MGAT4A: variants seen among roughly 807,000 people sequenced by gnomAD.
MGAT4A encodes N-acetylglucosaminyltransferase IVa.
In MGAT4A, 33 loss-of-function variants were observed where a neutral mutation model predicts 74.1. The ratio of observed to expected loss-of-function variants is 0.45; its 90% CI spans 0.34 to 0.60. The LOEUF (loss-of-function observed/expected upper bound fraction) is 0.60. MGAT4A is among the 20% of genes least tolerant of loss of function. The probability of loss-of-function intolerance (pLI) is 0.02; values close to 1 mark genes in which losing one functional copy is unlikely to be tolerated. For missense variants in MGAT4A, 479 were observed against 628.3 expected, an observed-to-expected ratio of 0.76 and a Z score of 2.54; for synonymous variants, 198 against 210.4, an observed-to-expected ratio of 0.94 and a Z score of 0.51.
intron 14 of MGAT4A, among the ~76,000 whole-genome samples, chr2:98,634,550 TAGAA>T (rs1224028805): frequency 6.6e-6 from 1 of 151,596 alleles, no homozygotes; most frequent in Non-Finnish European, 1.5e-5. Context: ...GCAGTGGCTC[TAGAA>T]AGCCACAGGA....
intron 2 of MGAT4A, among the ~76,000 whole-genome samples, chr2:98,722,295 C>T (rs992104201): frequency 2.6e-5 from 4 of 152,202 alleles, no homozygotes; most frequent in Non-Finnish European, 5.9e-5. Flanking sequence ...TACATCCATA[C>T]AAGGGACTAT....
chr2:98,645,859 G>A (rs540430157), intron 8 of MGAT4A, among the ~76,000 whole-genome samples: 2 of 152,142 alleles, frequency 1.3e-5, no homozygotes, highest in African/African-American at 4.8e-5. Flanking sequence ...ACAAGATAAA[G>A]GTCTTATCAC....
At chr2:98,660,410 ACG>A (rs1415365366) in intron 5 of MGAT4A, among the ~76,000 whole-genome samples, 2,619 of 117,936 alleles carry the variant, frequency 0.022, 77 homozygotes, top group African/African-American at 0.079. Flanking sequence ...ACACACACAC[ACG>A]CACGCGCACA....
At chr2:98,683,372 A>G (rs1465497548) in intron 2 of MGAT4A, among the ~76,000 whole-genome samples, 5 of 152,214 alleles carry the variant, frequency 3.3e-5, no homozygotes, top group African/African-American at 7.2e-5. Context: ...GTTCTTAGGA[A>G]ATAAACATAA....
chr2:98,684,592 A>G (rs961963413), intron 2 of MGAT4A, among the ~76,000 whole-genome samples: 2 of 152,214 alleles, frequency 1.3e-5, no homozygotes, highest in African/African-American at 4.8e-5. Context: ...AAAGACTTAC[A>G]AGGCTAAACC....
At chr2:98,727,244 A>C (rs1181846884) in intron 1 of MGAT4A, among the ~76,000 whole-genome samples, 1 of 152,228 alleles carries the variant, frequency 6.6e-6, no homozygotes, top group Non-Finnish European at 1.5e-5. Context: ...CATTTAGAAA[A>C]TGCAGCAATC....
chr2:98,683,544 ATCAT>A (rs1702090729), intron 2 of MGAT4A, among the ~76,000 whole-genome samples: 1 of 150,796 alleles, frequency 6.6e-6, no homozygotes, highest in African/African-American at 2.5e-5. Flanking sequence ...TCTTCATTTC[ATCAT>A]TTTTTTTTTT....
chr2:98,661,371 T>C (rs558802127), intron 5 of MGAT4A, among the ~76,000 whole-genome samples: 1 of 152,268 alleles, frequency 6.6e-6, no homozygotes, highest in African/African-American at 2.4e-5. Context: ...GAGTATAGGT[T>C]GGTAAATAAA....
chr2:98,646,200 G>A (rs1310161515), intron 8 of MGAT4A, among the ~76,000 whole-genome samples: 1 of 151,904 alleles, frequency 6.6e-6, no homozygotes, highest in East Asian at 1.9e-4. Flanking sequence ...ATACAAACGT[G>A]TGATTTTTTT....
chr2:98,644,277 A>T (rs561089376), intron 9 of MGAT4A, among the ~76,000 whole-genome samples: 1 of 152,324 alleles, frequency 6.6e-6, no homozygotes, highest in East Asian at 1.9e-4. Flanking sequence ...TAAATTCCCG[A>T]TGTTACTATA....
At chr2:98,636,905 C>T (rs1292201292) in intron 12 of MGAT4A, among the ~76,000 whole-genome samples, 1 of 152,122 alleles carries the variant, frequency 6.6e-6, no homozygotes, top group Non-Finnish European at 1.5e-5. Context: ...GTCTATAATG[C>T]TTTAAATATT....
intron 2 of MGAT4A, among the ~76,000 whole-genome samples, chr2:98,682,151 G>A (rs1005188181): frequency 2.6e-5 from 4 of 152,156 alleles, no homozygotes; most frequent in East Asian, 1.9e-4. Context: ...GGCCAGGTGC[G>A]GTGGCTCACG....
chr2:98,660,303 G>C (rs1332713274), intron 5 of MGAT4A, among the ~76,000 whole-genome samples: 1 of 98,682 alleles, frequency 1.0e-5, no homozygotes, highest in African/African-American at 5.5e-5. Context: ...ATTACCCAAA[G>C]TGATCTACAG....
chr2:98,630,289 C>T (rs546369160), intron 14 of MGAT4A, among the ~76,000 whole-genome samples: 85 of 152,266 alleles, frequency 5.6e-4, no homozygotes, highest in African/African-American at 1.8e-3. Flanking sequence ...CACACACTCA[C>T]GTGGATGAAT....
chr2:98,626,489 C>T (rs939657687), intron 14 of MGAT4A, among the ~76,000 whole-genome samples: 3 of 152,112 alleles, frequency 2.0e-5, no homozygotes, highest in Non-Finnish European at 2.9e-5. Flanking sequence ...CAAAAAATGT[C>T]GTCAGAAAAG....
chr2:98,691,229 G>T (rs1000002721), intron 2 of MGAT4A, among the ~76,000 whole-genome samples: 2 of 152,128 alleles, frequency 1.3e-5, no homozygotes, highest in Non-Finnish European at 2.9e-5. Flanking sequence ...TGAGGCAAGA[G>T]GATCGCTTGA....
rs1327370019 is a variant in MGAT4A at position 98,619,823 on chromosome 2, G to A, written c.*5743C>T. On this transcript the variant is annotated 3_prime_UTR_variant, in exon 16 of 16. Transcript: ENST00000393487. ...CTAGGAGCAAGTGACACATAAAATA[G>A]CCTCCCTAAAGTCCAAGAGTATTAA... 2 of 152,094 alleles carry A rather than the reference G, an allele frequency of 1.3e-5. No homozygotes were observed. Among genetic ancestry groups the A allele is most frequent in the African/African-American group, 4.8e-5 (2 of 41,424 alleles). The allele number at this position is 152,094 out of a possible 1,614,324, so 9.4% of individuals were successfully genotyped here.
At position 98,681,261 on chromosome 2, in the gene MGAT4A, G is replaced by A. The variant is rs186994010; in HGVS notation, c.95-2790C>T. ...CTCCCAAAGTGCTGGGATTACAGACGTGAGCCACCGCACCTGGCCCAATTC... is the reference window on the plus strand; with the variant it reads ...CTCCCAAAGTGCTGGGATTACAGACATGAGCCACCGCACCTGGCCCAATTC... On this transcript the variant is annotated intron_variant, in intron 2 of 15. Transcript: ENST00000393487. 3.4e-3 allele frequency among the ~76,000 whole-genome samples: 524 copies of A among 152,258 alleles called. 2 individuals are homozygous for A. Among genetic ancestry groups the A allele is most frequent in the African/African-American group, 0.012 (488 of 41,544 alleles).
chr2:98,640,508 G>A (rs182220766), intron 10 of MGAT4A, among the ~76,000 whole-genome samples: 1 of 152,270 alleles, frequency 6.6e-6, no homozygotes, highest in Non-Finnish European at 1.5e-5. Context: ...GAAGGCTGAA[G>A]CAGGAGAATC....
Sources: gnomAD v4.1 joint callset for allele counts (sites outside exome capture counted in the v4.1 genomes callset) on GRCh38, gnomAD v4.1.1 for gene constraint, MANE v1.5 for transcripts, NCBI Gene and HGNC (gene_info 2026-07-23, HGNC 2026-07-21) for gene names.